Variants in PRR5L observed in about 807,000 individuals in gnomAD.
The protein encoded by PRR5L is proline rich 5 like, also known as proline-rich protein 5-like.
PRR5L carries 21 observed loss-of-function variants against 36.4 expected under a neutral mutation model. The ratio of observed to expected loss-of-function variants is 0.58; its 90% CI spans 0.41 to 0.83. The LOEUF (loss-of-function observed/expected upper bound fraction) is 0.83. Among genes scored for constraint, PRR5L ranks in the 40% least tolerant of loss-of-function variants. The probability of loss-of-function intolerance (pLI) is 0.00; values close to 1 mark genes in which losing one functional copy is unlikely to be tolerated. For missense variants in PRR5L, 381 were observed against 473.3 expected (o/e 0.80, Z 1.81); for synonymous variants, 188 against 197.0 (o/e 0.95, Z 0.38).
Position 36,360,753 on chromosome 11 carries a change from T to C in PRR5L, c.-125-40244T>C, listed in dbSNP as rs199747911. 1.4e-4 allele frequency among the ~76,000 whole-genome samples: 21 copies of C among 152,358 alleles called. No homozygotes were observed. The East Asian group carries it at 3.9e-3, about 28-fold the overall frequency. Reference sequence around the variant, plus strand: ...TCATGCTTTTATCTTGTTAGGTATATGTTATTACTCAAGAACACTTACACC... The same window carrying C: ...TCATGCTTTTATCTTGTTAGGTATACGTTATTACTCAAGAACACTTACACC... On this transcript the variant is annotated intron_variant, in intron 1 of 8. Transcript: ENST00000530639.
chr11:36,428,328 A>G (rs1343254734), intron 4 of PRR5L, among the ~76,000 whole-genome samples: 1 of 152,226 alleles, frequency 6.6e-6, no homozygotes, highest in Non-Finnish European at 1.5e-5. Context: ...ATTCAAAGAT[A>G]AAAATACTAA....
intron 6 of PRR5L, among the ~76,000 whole-genome samples, chr11:36,440,522 C>T (rs1189982117): frequency 6.6e-6 from 1 of 152,110 alleles, no homozygotes; most frequent in Non-Finnish European, 1.5e-5. Flanking sequence ...ACCCAAATGA[C>T]TACAGGTATT....
At chr11:36,307,625 G>A (rs1165593141) in intron 1 of PRR5L, among the ~76,000 whole-genome samples, 4 of 152,134 alleles carry the variant, frequency 2.6e-5, no homozygotes, top group Non-Finnish European at 5.9e-5. Flanking sequence ...GAGGATACCA[G>A]TTTTTCCCCT....
In PRR5L at chr11:36,337,692, C is replaced by T. The variant is rs563686941; in HGVS notation, c.-126+41254C>T. On this transcript the variant is annotated intron_variant, in intron 1 of 8. Transcript: ENST00000530639. ...CTGCACAGTTGCTGCCATATTGTTC[C>T]GCATGGTATCCTCCACACCACATAT... Among the ~76,000 whole-genome samples the T allele has an allele frequency of 1.3e-3, 198 of 152,300 alleles. 1 individual carries two copies. Among genetic ancestry groups the T allele is most frequent in the African/African-American group, 4.4e-3 (181 of 41,562 alleles).
Position 36,374,091 on chromosome 11 carries a change from T to TTCCG in PRR5L, c.-125-26903_-125-26902insGTCC, listed in dbSNP as rs1347243746. On this transcript the variant is annotated intron_variant, in intron 1 of 8. Transcript: ENST00000530639. ...CTTCCTTCCTTCCTTCCTTCCTTCC[T>TTCCG]TCCTTCCTTCCTTCCTCTCTCTCTC... Among the ~76,000 whole-genome samples, 1,222 of 122,388 alleles carry TTCCG rather than the reference T, an allele frequency of 1.0e-2. 12 individuals are homozygous for TTCCG. The highest frequency in any genetic ancestry group is 0.014 in the Non-Finnish European group (823 of 58,828). 80.3% of individuals were successfully genotyped at this position (122,388 alleles called of 152,430 possible). A position where few individuals can be genotyped will look rare whatever the true frequency, so the allele number is the denominator to read the frequency against.
intron 1 of PRR5L, among the ~76,000 whole-genome samples, chr11:36,312,750 C>T (rs558086597): frequency 1.0e-4 from 16 of 152,398 alleles, no homozygotes; most frequent in South Asian, 4.1e-4. Flanking sequence ...GCGTGCACAG[C>T]ACAGTGTCTG....
At chr11:36,443,231 A>T (rs1362447407) in intron 6 of PRR5L, among the ~76,000 whole-genome samples, 1 of 152,164 alleles carries the variant, frequency 6.6e-6, no homozygotes, top group Non-Finnish European at 1.5e-5. Flanking sequence ...TGAGAGAAGG[A>T]AGCAAGAGAT....
chr11:36,356,900 C>A (rs569805881), intron 1 of PRR5L, among the ~76,000 whole-genome samples: 1 of 152,236 alleles, frequency 6.6e-6, no homozygotes, highest in African/African-American at 2.4e-5. Context: ...GAGGAAAGAT[C>A]ATGTCTCTCA....
intron 1 of PRR5L, among the ~76,000 whole-genome samples, chr11:36,327,591 G>T (rs1285730937): frequency 1.3e-5 from 2 of 152,080 alleles, no homozygotes; most frequent in African/African-American, 4.8e-5. Context: ...GTCTTTTTCT[G>T]ATTCTCAAGA....
chr11:36,324,147 G>A (rs1338064463), intron 1 of PRR5L, among the ~76,000 whole-genome samples: 1 of 152,090 alleles, frequency 6.6e-6, no homozygotes, highest in Non-Finnish European at 1.5e-5. Context: ...CAGCTCAAAT[G>A]CCTCAGTAAC....
At chr11:36,389,583 C>T (rs991295258) in intron 1 of PRR5L, among the ~76,000 whole-genome samples, 1 of 150,706 alleles carries the variant, frequency 6.6e-6, no homozygotes, top group African/African-American at 2.4e-5. Context: ...ATTTCAGTAC[C>T]ATGGTGTTTA....
intron 1 of PRR5L, among the ~76,000 whole-genome samples, chr11:36,336,812 A>T (rs547814955): frequency 2.9e-4 from 44 of 152,182 alleles, no homozygotes; most frequent in Non-Finnish European, 6.0e-4. Flanking sequence ...TAGTTTTCTA[A>T]ACTGCATAGC....
intron 1 of PRR5L, among the ~76,000 whole-genome samples, chr11:36,347,208 A>G (rs1856876574): frequency 6.6e-6 from 1 of 152,186 alleles, no homozygotes. Flanking sequence ...TTGATTTGAA[A>G]TGAAACACAT....
chr11:36,438,335 G>A (rs1858648060), intron 6 of PRR5L, among the ~76,000 whole-genome samples: 2 of 152,196 alleles, frequency 1.3e-5, no homozygotes, highest in Admixed American at 1.3e-4. Context: ...TGAAGTGTGG[G>A]CGTCGTATGC....
At chr11:36,350,980 T>TTA (rs1186707693) in intron 1 of PRR5L, among the ~76,000 whole-genome samples, 6,726 of 43,000 alleles carry the variant, frequency 0.16, 1,893 homozygotes, top group Non-Finnish European at 0.19. Context: ...TTATATATAT[T>TTA]TATATATTTA....
intron 1 of PRR5L, among the ~76,000 whole-genome samples, chr11:36,350,668 A>G (rs1856920338): frequency 6.6e-6 from 1 of 151,408 alleles, no homozygotes; most frequent in South Asian, 2.1e-4. Flanking sequence ...CCCAATGTGT[A>G]TAGTCTTTTA....
intron 4 of PRR5L, among the ~76,000 whole-genome samples, chr11:36,423,119 T>C (rs1337306972): frequency 6.6e-6 from 1 of 152,178 alleles, no homozygotes; most frequent in Admixed American, 6.5e-5. Context: ...TTTTGCTTGA[T>C]ATAGAAACTC....
chr11:36,418,679 C>G (rs888658547), intron 3 of PRR5L, among the ~76,000 whole-genome samples: 32 of 152,022 alleles, frequency 2.1e-4, no homozygotes, highest in African/African-American at 7.2e-4. Context: ...GCCTGTGGTC[C>G]CAGCTACTCG....
At chr11:36,396,573 A>G (rs1309789306) in intron 1 of PRR5L, among the ~76,000 whole-genome samples, 2 of 152,190 alleles carry the variant, frequency 1.3e-5, no homozygotes, top group Admixed American at 6.5e-5. Flanking sequence ...CTACGACAAC[A>G]TGATTTTATT....
Sources: allele counts gnomAD v4.1 joint callset (sites outside exome capture counted in the v4.1 genomes callset), GRCh38; gene constraint gnomAD v4.1.1; transcripts MANE v1.5; gene names NCBI Gene and HGNC (gene_info 2026-07-23, HGNC 2026-07-21).